The following SPOCK1 variants were observed in gnomAD, a reference collection of about 807,000 sequenced individuals.
SPOCK1 encodes SPARC (osteonectin), cwcv and kazal like domains proteoglycan 1.
In SPOCK1, 23 loss-of-function variants were observed where a neutral mutation model predicts 55.3. The ratio of observed to expected loss-of-function variants is 0.42; its 90% CI spans 0.30 to 0.59. The LOEUF (loss-of-function observed/expected upper bound fraction) is 0.59, where lower values mean the gene tolerates loss of function less well. SPOCK1 is among the 20% of genes least tolerant of loss of function. The pLI is 0.22. For missense variants in SPOCK1, 499 were observed against 552.5 expected (o/e 0.90, Z 0.97); for synonymous variants, 226 against 221.0 (o/e 1.02, Z -0.20).
chr5:137,376,045 A>T (rs1431108262), intron 2 of SPOCK1, among the ~76,000 whole-genome samples: 2 of 152,244 alleles, frequency 1.3e-5, no homozygotes, highest in East Asian at 3.8e-4. Flanking sequence ...GGCTATCTCA[A>T]CAACCAAGTA....
chr5:137,378,408 C>T (rs898700742), intron 2 of SPOCK1, among the ~76,000 whole-genome samples: 14 of 152,352 alleles, frequency 9.2e-5, no homozygotes, highest in African/African-American at 3.4e-4. Flanking sequence ...ACAGGCATAA[C>T]AACTCCAGCT....
intron 2 of SPOCK1, among the ~76,000 whole-genome samples, chr5:137,268,216 T>C (rs535165111): frequency 6.6e-6 from 1 of 152,334 alleles, no homozygotes; most frequent in East Asian, 1.9e-4. Flanking sequence ...TAAATAGATT[T>C]TAGGAAACTA....
rs544835725 is a variant in SPOCK1, at chr5:137,051,182, C to A, written c.589+16533G>T. Among the ~76,000 whole-genome samples, 208 of 152,268 alleles carry A rather than the reference C, an allele frequency of 1.4e-3. 1 individual carries two copies. The highest frequency in any genetic ancestry group is 4.9e-3 in the African/African-American group (203 of 41,578). On this transcript the variant is annotated intron_variant, in intron 6 of 10. Transcript: ENST00000394945. ...GAACTGGCTATTTAAAACACACACA[C>A]AAAATACAGTTTCAGTTTTCCTATT...
At chr5:137,223,868 A>G (rs1450176798) in intron 3 of SPOCK1, among the ~76,000 whole-genome samples, 3 of 152,220 alleles carry the variant, frequency 2.0e-5, no homozygotes, top group Middle Eastern at 3.2e-3. Context: ...GCATCAGTTC[A>G]TAATGTACAA....
intron 6 of SPOCK1, among the ~76,000 whole-genome samples, chr5:137,059,763 A>C (rs959011349): frequency 6.6e-6 from 1 of 152,226 alleles, no homozygotes; most frequent in Non-Finnish European, 1.5e-5. Flanking sequence ...ACAAGTAAAA[A>C]ACAAACAACT....
chr5:137,169,940 C>T (rs1473616819), intron 3 of SPOCK1, among the ~76,000 whole-genome samples: 1 of 152,196 alleles, frequency 6.6e-6, no homozygotes, highest in Non-Finnish European at 1.5e-5. Context: ...AAATAAAATA[C>T]AGGCCTCACT....
At chr5:137,345,935 C>T (rs1376899695) in intron 2 of SPOCK1, among the ~76,000 whole-genome samples, 2 of 152,202 alleles carry the variant, frequency 1.3e-5, no homozygotes, top group South Asian at 2.1e-4. Flanking sequence ...TGATCTCTGC[C>T]TCATCTGGGC....
chr5:137,315,936 T>A (rs1316169093), intron 2 of SPOCK1, among the ~76,000 whole-genome samples: 1 of 152,166 alleles, frequency 6.6e-6, no homozygotes, highest in African/African-American at 2.4e-5. Flanking sequence ...GCTCCCAGGT[T>A]ATGCCAAGGC....
intron 3 of SPOCK1, among the ~76,000 whole-genome samples, chr5:137,181,019 C>A (rs1056582198): frequency 6.6e-6 from 1 of 152,136 alleles, no homozygotes; most frequent in African/African-American, 2.4e-5. Flanking sequence ...AAGGTGACAC[C>A]AAGATCATCA....
chr5:137,499,010 G>T (rs923806339), intron 1 of SPOCK1, among the ~76,000 whole-genome samples, 169 bp downstream of exon 1: 26 of 152,000 alleles, frequency 1.7e-4, no homozygotes, highest in Non-Finnish European at 3.1e-4. Context: ...GCAGCTGGGG[G>T]TCCCCGGCGA....
intron 4 of SPOCK1, among the ~76,000 whole-genome samples, chr5:137,140,339 A>T (rs1754070504): frequency 6.6e-6 from 1 of 152,248 alleles, no homozygotes; most frequent in Non-Finnish European, 1.5e-5. Flanking sequence ...TGTTCAGATC[A>T]GGACTCAGAG....
chr5:137,481,996 C>A (rs1468664510), intron 2 of SPOCK1, among the ~76,000 whole-genome samples: 1 of 152,204 alleles, frequency 6.6e-6, no homozygotes, highest in African/African-American at 2.4e-5. Context: ...ACTTTTCTCC[C>A]ATACTCCTAC....
At chr5:137,463,972 A>G (rs1753547564) in intron 2 of SPOCK1, among the ~76,000 whole-genome samples, 1 of 151,862 alleles carries the variant, frequency 6.6e-6, no homozygotes, top group Non-Finnish European at 1.5e-5. Context: ...TAACTAAAAG[A>G]ATGTAACTGG....
At chr5:137,487,651 C>A (rs1295918905) in intron 2 of SPOCK1, among the ~76,000 whole-genome samples, 1 of 152,156 alleles carries the variant, frequency 6.6e-6, no homozygotes, top group Non-Finnish European at 1.5e-5. Context: ...AAAGTCAGGC[C>A]AGAGTTAGCT....
At chr5:136,997,295 C>T (rs1472645864) in intron 6 of SPOCK1, among the ~76,000 whole-genome samples, 3 of 152,168 alleles carry the variant, frequency 2.0e-5, no homozygotes, top group Non-Finnish European at 1.5e-5. Flanking sequence ...AAAAAGTTCA[C>T]TGCTTCTTAT....
intron 6 of SPOCK1, among the ~76,000 whole-genome samples, chr5:137,040,702 G>T (rs556470607): frequency 5.9e-5 from 9 of 152,174 alleles, no homozygotes; most frequent in African/African-American, 1.4e-4. Context: ...AAACTTTTTT[G>T]TTGTTGTTGT....
chr5:136,987,471 A>ATATC (rs567075171), intron 8 of SPOCK1, among the ~76,000 whole-genome samples: 3 of 152,202 alleles, frequency 2.0e-5, no homozygotes, highest in South Asian at 4.1e-4. Context: ...GTATTCTCAT[A>ATATC]TATCTTTGGT....
intron 2 of SPOCK1, among the ~76,000 whole-genome samples, chr5:137,380,593 T>C (rs1343316454): frequency 6.6e-6 from 1 of 152,138 alleles, no homozygotes; most frequent in Non-Finnish European, 1.5e-5. Context: ...TGGCAGAAGA[T>C]GAAGGGAAAC....
chr5:137,087,487 C>T (rs1252558514), intron 5 of SPOCK1, among the ~76,000 whole-genome samples: 8 of 152,252 alleles, frequency 5.3e-5, no homozygotes, highest in Admixed American at 3.9e-4. Context: ...TTATCACCAT[C>T]ATTAATACTG....
Sources: gnomAD v4.1 joint callset for allele counts (sites outside exome capture counted in the v4.1 genomes callset) on GRCh38, gnomAD v4.1.1 for gene constraint, MANE v1.5 for transcripts, NCBI Gene and HGNC (gene_info 2026-07-23, HGNC 2026-07-21) for gene names.